The following VAV2 variants were observed in gnomAD, a reference collection of about 807,000 sequenced individuals.
The protein encoded by VAV2 is guanine nucleotide exchange factor VAV2.
A neutral mutation model predicts 132.5 loss-of-function variants in VAV2; 67 were observed. The observed-to-expected ratio is 0.51, with a 90% confidence interval of 0.42 to 0.62. The LOEUF is 0.62. Ranked by LOEUF, VAV2 falls within the 20% of genes least tolerant of loss-of-function variation. The pLI is 0.00. For missense variants in VAV2, 938 were observed against 1,153.6 expected (o/e 0.81, Z 2.71); for synonymous variants, 492 against 443.5 (o/e 1.11, Z -1.37).
chr9:133,839,753 C>A (rs184115600), intron 3 of VAV2, among the ~76,000 whole-genome samples: 3 of 152,276 alleles, frequency 2.0e-5, no homozygotes, highest in African/African-American at 7.2e-5. Context: ...CCAGCCTACA[C>A]GAGGAGGCAT....
Position 133,961,008 on chromosome 9 carries a change from T to C in VAV2, c.205-21789A>G, listed in dbSNP as rs1841948587. Among the ~76,000 whole-genome samples the C allele has an allele frequency of 6.6e-6, 1 of 152,184 alleles. No homozygotes were observed. The highest frequency in any genetic ancestry group is 2.1e-4 in the South Asian group (1 of 4,832). ...GAATGGTGACCACAGGTCTGCCGCC[T>C]TGCAATGCGACGCCTGCCTGGGAGC... is the stretch of plus-strand genomic sequence containing the variant. On this transcript the variant is annotated intron_variant, in intron 1 of 29. Transcript: ENST00000371850. This position sits in a 1 kb window ranked among gnomAD's most constrained non-coding sequence, Gnocchi z 4.1.
intron 1 of VAV2, among the ~76,000 whole-genome samples, chr9:133,950,271 A>G (rs1282824498): frequency 1.3e-5 from 2 of 152,228 alleles, no homozygotes; most frequent in Non-Finnish European, 2.9e-5. Context: ...ATTCTGGAGA[A>G]GCCTCATTTG....
At chr9:133,807,038 C>T (rs543382962) in intron 8 of VAV2, among the ~76,000 whole-genome samples, 1 of 152,250 alleles carries the variant, frequency 6.6e-6, no homozygotes, top group Non-Finnish European at 1.5e-5. Context: ...CAGTGCTGCC[C>T]TCACCCGCAG....
At chr9:133,783,479 TG>T (rs750619903) in intron 19 of VAV2, 23 bp downstream of exon 19, 31 of 1,476,754 alleles carry the variant, frequency 2.1e-5, no homozygotes, top group African/African-American at 4.2e-5. Flanking sequence ...GGGACTGGGG[TG>T]GGGGGGTGAG....
intron 2 of VAV2, among the ~76,000 whole-genome samples, chr9:133,870,213 T>A (rs1157563427): frequency 6.6e-6 from 1 of 152,196 alleles, no homozygotes; most frequent in Non-Finnish European, 1.5e-5. Context: ...ATGGCAGGGC[T>A]GTGGGGCCCA....
rs1238081226 is a variant in VAV2, at chr9:133,769,029, G to A, written c.2434+388C>T. Among the ~76,000 whole-genome samples the A allele has an allele frequency of 1.3e-5, 2 of 152,222 alleles. No individual in the cohort carries two copies. The highest frequency in any genetic ancestry group is 2.9e-5 in the Non-Finnish European group (2 of 68,036). ...GACTCTGGCAGCCGAAAGCCATGAG[G>A]TCAAGGCTGACTGAAAACCCCTCCT... On this transcript the variant is annotated intron_variant, in intron 28 of 29. Coordinates refer to ENST00000371850, the MANE Select transcript of VAV2 (RefSeq NM_001134398.2). This position sits in a 1 kb window ranked among gnomAD's most constrained non-coding sequence, Gnocchi z 8.1.
At chr9:133,964,101 T>G (rs1286859744) in intron 1 of VAV2, among the ~76,000 whole-genome samples, 1 of 145,168 alleles carries the variant, frequency 6.9e-6, no homozygotes, top group Non-Finnish European at 1.5e-5. Flanking sequence ...GGCTCATGCC[T>G]GTAGTCCCAG....
chr9:133,768,579 T>A lies in VAV2; in HGVS notation c.2452A>T (p.Ile818Phe). The A allele has an allele frequency of 6.2e-7, 1 of 1,613,890 alleles. No individual in the cohort carries two copies. Among genetic ancestry groups the A allele is most frequent in the Non-Finnish European group, 8.5e-7 (1 of 1,179,958 alleles). ...PFWSVFTPRV[I>F]GTAVARYNFA... ...TTATACCTGGCCACAGCTGTGCCGA[T>A]GACGCGGGGCGTGAACACTGTTGAG... is the stretch of plus-strand genomic sequence containing the variant. Residue 818 changes from isoleucine (I) to phenylalanine (F), a missense_variant, in exon 29 of 30, where the codon ATC becomes TTC. Ile to Phe is a conservative substitution (Grantham distance 21). Coordinates refer to ENST00000371850, the MANE Select transcript of VAV2 (RefSeq NM_001134398.2). This position sits in a 1 kb window ranked among gnomAD's most constrained non-coding sequence, Gnocchi z 5.3.
intron 2 of VAV2, among the ~76,000 whole-genome samples, chr9:133,903,730 C>T (rs2810498): frequency 0.46 from 69,331 of 151,854 alleles, 16,580 homozygotes; most frequent in East Asian, 0.61. Context: ...TGAAAAACAG[C>T]GTCAGAAAAA....
At chr9:133,892,330 G>A (rs1306730447) in intron 2 of VAV2, among the ~76,000 whole-genome samples, 1 of 151,850 alleles carries the variant, frequency 6.6e-6, no homozygotes, top group African/African-American at 2.4e-5. Flanking sequence ...AGGGCTGCAG[G>A]GCTTTGTGAG....
chr9:133,851,492 G>A (rs1460981091), intron 3 of VAV2, among the ~76,000 whole-genome samples: 8 of 152,246 alleles, frequency 5.3e-5, no homozygotes, highest in Non-Finnish European at 1.2e-4. Context: ...AGTGAACCAA[G>A]TCAGCTCATT....
intron 2 of VAV2, among the ~76,000 whole-genome samples, chr9:133,897,675 C>A (rs1282432184): frequency 6.6e-6 from 1 of 152,172 alleles, no homozygotes; most frequent in Non-Finnish European, 1.5e-5. Flanking sequence ...TCCAGATCGT[C>A]CATGATTGCT....
chr9:133,806,353 G>T (rs1835143043), intron 8 of VAV2, among the ~76,000 whole-genome samples, 172 bp from the exon 9 acceptor site: 1 of 152,234 alleles, frequency 6.6e-6, no homozygotes, highest in African/African-American at 2.4e-5. Flanking sequence ...TCAGGTAGAA[G>T]GTTCTATGGC....
Position 133,912,421 on chromosome 9 carries a change from T to C in VAV2, c.321+26682A>G, listed in dbSNP as rs1839917170. On this transcript the variant is annotated intron_variant, in intron 2 of 29. Coordinates refer to ENST00000371850, the MANE Select transcript of VAV2 (RefSeq NM_001134398.2). The surrounding 1 kb of genome is among the most constrained non-coding windows in gnomAD (Gnocchi z 4.3). Reference sequence around the variant, plus strand: ...GGAGGCTTCTGGAGGACAGTGTGCCTAGATGAAGGAACCAGGACGCAGTGG... The same window carrying C: ...GGAGGCTTCTGGAGGACAGTGTGCCCAGATGAAGGAACCAGGACGCAGTGG... Among the ~76,000 whole-genome samples the C allele has an allele frequency of 1.3e-5, 2 of 152,126 alleles. No individual in the cohort carries two copies. Among genetic ancestry groups the C allele is most frequent in the Non-Finnish European group, 2.9e-5 (2 of 68,022 alleles).
intron 2 of VAV2, among the ~76,000 whole-genome samples, chr9:133,908,236 C>T (rs906264034): frequency 1.3e-5 from 2 of 152,004 alleles, no homozygotes; most frequent in African/African-American, 2.4e-5. Flanking sequence ...AAAGCATGAG[C>T]TCCAAGGGGC....
At chr9:133,914,508 G>C (rs1371729533) in intron 2 of VAV2, among the ~76,000 whole-genome samples, 3 of 148,666 alleles carry the variant, frequency 2.0e-5, no homozygotes, top group Non-Finnish European at 4.4e-5. Flanking sequence ...CAGACTCAAA[G>C]GGCGCGCAGC....
chr9:133,911,957 G>A (rs1276349626), intron 2 of VAV2, among the ~76,000 whole-genome samples: 2 of 152,178 alleles, frequency 1.3e-5, no homozygotes, highest in Non-Finnish European at 2.9e-5. Context: ...AAGTTCAGGG[G>A]TACACGTGCA....
At chr9:133,900,957 G>A (rs537795840) in intron 2 of VAV2, among the ~76,000 whole-genome samples, 11 of 150,608 alleles carry the variant, frequency 7.3e-5, no homozygotes, top group African/African-American at 1.5e-4. Flanking sequence ...GTGTCATCAC[G>A]CCCGGCTAAT....
chr9:133,832,034 G>A (rs532844464), intron 4 of VAV2, among the ~76,000 whole-genome samples: 2 of 152,350 alleles, frequency 1.3e-5, no homozygotes, highest in South Asian at 4.1e-4. Context: ...CGTAAGCACC[G>A]CCCACTGTTG....
Sources: gnomAD v4.1 joint callset for allele counts (sites outside exome capture counted in the v4.1 genomes callset) on GRCh38, gnomAD v4.1.1 for gene constraint, Gnocchi (gnomAD v3.1) non-coding constraint, MANE v1.5 for transcripts, NCBI Gene and HGNC (gene_info 2026-07-23, HGNC 2026-07-21) for gene names.